AKT1: variants seen among roughly 807,000 people sequenced by gnomAD.
AKT1 encodes the protein AKT serine/threonine kinase 1.
AKT1 carries 21 observed loss-of-function variants against 63.1 expected under a neutral mutation model. The observed-to-expected ratio is 0.33, with a 90% confidence interval of 0.24 to 0.48. AKT1 has a LOEUF of 0.48. Ranked by LOEUF, AKT1 falls within the 20% of genes least tolerant of loss-of-function variation. AKT1 has a pLI of 0.99. For synonymous variants in AKT1, 257 were observed against 253.1 expected, an observed-to-expected ratio of 1.02 and a Z score of -0.15; for missense variants, 382 against 666.0, an observed-to-expected ratio of 0.57 and a Z score of 4.69.
In AKT1 at chr14:104,770,749, G is replaced by C. The variant is rs765264778; in HGVS notation, c.1359C>G (p.Asp453Glu). The C allele has an allele frequency of 6.2e-7, 1 of 1,613,314 alleles. No homozygotes were observed. Among genetic ancestry groups the C allele is most frequent in the Non-Finnish European group, 8.5e-7 (1 of 1,179,296 alleles). ...GGGCAGGCAGTGGCCCCTCACCTTG[G>C]TCAGGTGGTGTGATGGTGATCATCT... ...TAQMITITPPDQDDSMECVDS... is the reference protein window; with the variant it reads ...TAQMITITPPEQDDSMECVDS... The change falls in exon 14 of 15, where the codon GAC becomes GAG. Residue 453 changes from aspartate to glutamate, a missense_variant. Asp to Glu is a conservative substitution (Grantham distance 45). This residue lies in a region of AKT1 where 90 missense variants were observed against 120.5 expected (regional missense o/e 0.75). Transcript: ENST00000649815.
At position 104,772,380 on chromosome 14, in the gene AKT1, G is replaced by A. The variant is rs758476416; in HGVS notation, c.1245C>T (p.His415=). 9 of 1,613,740 alleles carry A rather than the reference G, an allele frequency of 5.6e-6. No individual in the cohort carries two copies. The highest frequency in any genetic ancestry group is 3.3e-5 in the Admixed American group (2 of 60,004). Residue 415 remains histidine, a synonymous_variant, in exon 13 of 15, where the codon CAC becomes CAT. Coordinates refer to ENST00000649815, the MANE Select transcript of AKT1 (RefSeq NM_001382430.1). ...HRFFAGIVWQ[H]VYEKKLSPPF... ...GCAGCCGCACCTTCTTCTCGTACAC[G>A]TGCTGCCACACGATACCGGCAAAGA...
intron 5 of AKT1, 188 bp from the exon 6 acceptor site, chr14:104,775,987 G>A (rs1202412606): frequency 3.9e-5 from 25 of 643,638 alleles, no homozygotes; most frequent in East Asian, 1.2e-4. Flanking sequence ...CCTCTTGGAC[G>A]TGGGGGACAC....
At position 104,769,486 on chromosome 14, in the gene AKT1, A is replaced by AGG; in HGVS notation, c.*853_*854dup. ...GGCAGCGTCTGGCCAGGAGGCGTGG[A>AGG]GGGGCCCAGGGATGGCCACCCCCAC... On this transcript the variant is annotated 3_prime_UTR_variant, in exon 15 of 15. Transcript: ENST00000649815. 1 of 516,568 alleles carries AGG rather than the reference A, an allele frequency of 1.9e-6. No individual in the cohort carries two copies. The highest frequency in any genetic ancestry group is 1.6e-5 in the South Asian group (1 of 63,156). 32.0% of individuals were successfully genotyped at this position (516,568 alleles called of 1,614,324 possible). A position where few individuals can be genotyped will look rare whatever the true frequency, so the allele number is the denominator to read the frequency against.
At position 104,770,267 on chromosome 14, in the gene AKT1, AT is replaced by A; in HGVS notation, c.*73del. The A allele has an allele frequency of 1.4e-6, 2 of 1,477,348 alleles. No homozygotes were observed. The highest frequency in any genetic ancestry group is 1.8e-6 in the Non-Finnish European group (2 of 1,088,038). 91.5% of individuals were successfully genotyped at this position (1,477,348 alleles called of 1,614,324 possible). ...CAAATGCACCCGAGAAATAAAAACC[AT>A]TAAATACAGATCATGGCACGAGGCC... On this transcript the variant is annotated 3_prime_UTR_variant, in exon 15 of 15. Coordinates refer to ENST00000649815, the MANE Select transcript of AKT1 (RefSeq NM_001382430.1).
At chr14:104,791,108 T>C (rs1893605696) in intron 3 of AKT1, among the ~76,000 whole-genome samples, 1 of 152,124 alleles carries the variant, frequency 6.6e-6, no homozygotes, top group African/African-American at 2.4e-5. Flanking sequence ...AACTGGGGCC[T>C]GGGCCCCTGG....
At chr14:104,783,876 G>C (rs560917853) in intron 3 of AKT1, among the ~76,000 whole-genome samples, 1 of 152,220 alleles carries the variant, frequency 6.6e-6, no homozygotes, top group South Asian at 2.1e-4. Flanking sequence ...CTCAGGGTCT[G>C]GCAGGGAAGA....
intron 3 of AKT1, among the ~76,000 whole-genome samples, chr14:104,780,917 G>A (rs974045447): frequency 6.6e-6 from 1 of 152,236 alleles, no homozygotes; most frequent in African/African-American, 2.4e-5. Context: ...CAGCTGGGCA[G>A]GGGCCCCAGG....
Position 104,774,113 on chromosome 14 carries a change from C to T in AKT1, c.634-133G>A, listed in dbSNP as rs78470418. ...GCCCGTAGCCCCACACCACACTGCC[C>T]GACACCACGCTGCCTGATACCACAC... On this transcript the variant is annotated intron_variant, in intron 8 of 14. Transcript: ENST00000649815. The T allele has an allele frequency of 0.012, 9,306 of 786,256 alleles. 145 individuals carry two copies. The highest frequency in any genetic ancestry group is 0.051 in the African/African-American group (3,002 of 58,646). 48.7% of individuals were successfully genotyped at this position (786,256 alleles called of 1,614,324 possible).
chr14:104,777,811 G>C (rs1892819159), intron 4 of AKT1: 2 of 723,586 alleles, frequency 2.8e-6, no homozygotes, highest in Non-Finnish European at 3.4e-6. Context: ...TCCAGGCCTG[G>C]GGGCCAGGAG....
chr14:104,785,866 C>T (rs1207390086), intron 3 of AKT1, among the ~76,000 whole-genome samples: 1 of 152,110 alleles, frequency 6.6e-6, no homozygotes, highest in East Asian at 1.9e-4. Context: ...GGCCTCTCTT[C>T]CTGCCACTCC....
rs1467680339 is a variant in AKT1, at chr14:104,795,471, G to A, written c.-258+13C>T. 1 of 146,572 alleles carries A rather than the reference G, an allele frequency of 6.8e-6. No individual in the cohort carries two copies. The highest frequency in any genetic ancestry group is 1.5e-5 in the Non-Finnish European group (1 of 65,846). 9.1% of individuals were successfully genotyped at this position (146,572 alleles called of 1,614,324 possible). On this transcript the variant is annotated intron_variant, in intron 1 of 14. Coordinates refer to ENST00000649815, the MANE Select transcript of AKT1 (RefSeq NM_001382430.1). This position sits in a 1 kb window ranked among gnomAD's most constrained non-coding sequence, Gnocchi z 5.1. The stretch of plus-strand genomic sequence containing the variant: ...AATCCAGGCCCGGGCGGCCACGGCG[G>A]GCGGGGACTCACCGGGCCGCCGCGT...
At chr14:104,785,170 G>A (rs1244994682) in intron 3 of AKT1, among the ~76,000 whole-genome samples, 1 of 152,116 alleles carries the variant, frequency 6.6e-6, no homozygotes, top group Non-Finnish European at 1.5e-5. Flanking sequence ...TGAGCAGACG[G>A]CTCCGCTGAC....
chr14:104,774,754 C>T (rs1892611449), intron 8 of AKT1, 184 bp downstream of exon 8: 2 of 671,554 alleles, frequency 3.0e-6, no homozygotes, highest in East Asian at 2.8e-5. Context: ...CGAGCACAGC[C>T]CCTAGCCCAC....
Position 104,776,658 on chromosome 14 carries a change from CCG to C in AKT1, c.286_287del (p.Arg96GlyfsTer12). ...TGGCCTGGCCGCCACAGCCCACGTA[CCG>C]CTCCTCAGGAGTCTCCACATGGAAG... ...RTFHVETPEE[R>X]EEWTTAIQTV... On this transcript the variant is annotated frameshift_variant and splice_region_variant, in exon 5 of 15. Transcript: ENST00000649815. LOFTEE classifies it high-confidence loss of function. 6.2e-7 allele frequency: 1 copy of C among 1,612,448 alleles called. No homozygotes were observed. Among genetic ancestry groups the C allele is most frequent in the Non-Finnish European group, 8.5e-7 (1 of 1,179,330 alleles).
chr14:104,776,341 T>G (rs1595246967), intron 5 of AKT1: 1 of 243,444 alleles, frequency 4.1e-6, no homozygotes, highest in Non-Finnish European at 8.0e-6. Context: ...GAGACGGGGG[T>G]TTCACCATGT....
chr14:104,787,064 G>T, intron 3 of AKT1, among the ~76,000 whole-genome samples: 1 of 152,254 alleles, frequency 6.6e-6, no homozygotes, highest in South Asian at 2.1e-4. Context: ...CGCCTGGGGG[G>T]TGTGTGAGCC....
At chr14:104,783,735 G>C (rs1015128880) in intron 3 of AKT1, among the ~76,000 whole-genome samples, 16 of 152,102 alleles carry the variant, frequency 1.1e-4, no homozygotes, top group African/African-American at 3.6e-4. Context: ...TTCAGGCCCA[G>C]GGGGCCTCTT....
At position 104,772,933 on chromosome 14, in the gene AKT1, C is replaced by G; in HGVS notation, c.1117G>C (p.Gly373Arg). The change falls in exon 12 of 15, where the codon GGT becomes CGT. Residue 373 changes from glycine (G) to arginine (R), a missense_variant. By Grantham distance (125) the Gly-to-Arg change is moderately radical. Transcript: ENST00000649815. The part of the protein sequence containing the change: ...MEEIRFPRTL[G>R]PEAKSLLSGL... ...GAAAGCAAGGACTTGGCCTCGGGAC[C>G]AAGCGTGCGCGGGAAGCGGATCTCC... is the stretch of plus-strand genomic sequence containing the variant. The G allele has an allele frequency of 6.2e-7, 1 of 1,613,932 alleles. No individual in the cohort carries two copies. Among genetic ancestry groups the G allele is most frequent in the Non-Finnish European group, 8.5e-7 (1 of 1,180,026 alleles).
At chr14:104,791,246 G>A (rs945066903) in intron 3 of AKT1, among the ~76,000 whole-genome samples, 4 of 152,136 alleles carry the variant, frequency 2.6e-5, no homozygotes, top group African/African-American at 9.7e-5. Context: ...GAGGAACAGG[G>A]CCAGGGTCGG....
Sources: allele counts gnomAD v4.1 joint callset (sites outside exome capture counted in the v4.1 genomes callset), GRCh38; gene constraint gnomAD v4.1.1; regional missense constraint gnomAD v4.1.1; non-coding constraint Gnocchi (gnomAD v3.1); transcripts MANE v1.5; gene names NCBI Gene and HGNC (gene_info 2026-07-23, HGNC 2026-07-21).